Variants in PSD3 observed in about 807,000 individuals in gnomAD.
The protein encoded by PSD3 is pleckstrin and Sec7 domain containing 3.
PSD3 carries 49 observed loss-of-function variants against 105.5 expected under a neutral mutation model. That is an observed-to-expected ratio of 0.46 (90% confidence interval 0.37 to 0.59). PSD3 has a LOEUF of 0.59. Ranked by LOEUF, PSD3 falls within the 20% of genes least tolerant of loss-of-function variation. PSD3 has a pLI of 0.00. For missense variants in PSD3, 1,561 were observed against 1,263.8 expected (o/e 1.24, Z -3.57); for synonymous variants, 557 against 457.8 (o/e 1.22, Z -2.77).
At chr8:18,745,288 G>A (rs1399984263) in intron 9 of PSD3, among the ~76,000 whole-genome samples, 1 of 152,060 alleles carries the variant, frequency 6.6e-6, no homozygotes, top group Non-Finnish European at 1.5e-5. Flanking sequence ...TAATTACTGC[G>A]ATATTTGCCA....
In PSD3 at chr8:18,529,157, G is replaced by C. The variant is rs1799537506; in HGVS notation, c.*6586C>G. On this transcript the variant is annotated 3_prime_UTR_variant, in exon 16 of 16. Coordinates refer to ENST00000327040, the MANE Select transcript of PSD3 (RefSeq NM_015310.4). ...TCACCCAGGCTACGGAGAGATGCTG[G>C]AGAGCTGCTGCTTGTGAATTACAAG... The C allele has an allele frequency of 6.6e-6, 1 of 152,212 alleles. No individual in the cohort carries two copies. The highest frequency in any genetic ancestry group is 6.5e-5 in the Admixed American group (1 of 15,284). 9.4% of individuals were successfully genotyped at this position (152,212 alleles called of 1,614,324 possible). A position where few individuals can be genotyped will look rare whatever the true frequency, so the allele number is the denominator to read the frequency against.
At chr8:18,870,439 A>C (rs3758141) in intron 3 of PSD3, among the ~76,000 whole-genome samples, 14 of 152,060 alleles carry the variant, frequency 9.2e-5, no homozygotes, top group African/African-American at 3.1e-4. Flanking sequence ...GTCAAGTTTC[A>C]ATCATAAAGG....
chr8:18,708,795 C>A (rs559253569), intron 9 of PSD3, among the ~76,000 whole-genome samples: 1 of 151,778 alleles, frequency 6.6e-6, no homozygotes, highest in Non-Finnish European at 1.5e-5. Context: ...GATTATCTCA[C>A]TGGGACTAAT....
chr8:18,539,405 G>A (rs1406513276), intron 15 of PSD3, among the ~76,000 whole-genome samples: 1 of 152,136 alleles, frequency 6.6e-6, no homozygotes, highest in Non-Finnish European at 1.5e-5. Flanking sequence ...GCATCATTTG[G>A]AGACTTTATT....
At position 18,914,008 on chromosome 8, in the gene PSD3, G is replaced by A. The variant is rs1011470164; in HGVS notation, c.130+22026C>T. On this transcript the variant is annotated intron_variant, in intron 2 of 15. Transcript: ENST00000327040. ...AGACACAAGCTCCGGGCCCATCAGA[G>A]TAAACCCAGGCTCCAGACTTGAACC... Among the ~76,000 whole-genome samples the A allele has an allele frequency of 2.6e-5, 4 of 152,046 alleles. No individual in the cohort carries two copies. The East Asian group carries it at 7.7e-4, about 29-fold the overall frequency.
rs78253063 is a variant in PSD3 at position 18,567,545 on chromosome 8, G to A, written c.2784+4983C>T. Among the ~76,000 whole-genome samples, 946 of 152,182 alleles carry A rather than the reference G, an allele frequency of 6.2e-3. 7 individuals carry two copies. The highest frequency in any genetic ancestry group is 0.022 in the African/African-American group (913 of 41,508). On this transcript the variant is annotated intron_variant, in intron 14 of 15. Transcript: ENST00000327040. ...TAAAAATTCAATGCCATTGTGTCCT[G>A]CAAGAACTGTACAGTAATAGTAATG... is the stretch of plus-strand genomic sequence containing the variant.
In PSD3 at chr8:18,645,210, G is replaced by A. The variant is rs79447336; in HGVS notation, c.2216+10432C>T. Among the ~76,000 whole-genome samples the A allele has an allele frequency of 7.4e-4, 113 of 152,206 alleles. 1 individual carries two copies. In the South Asian group the frequency reaches 0.023, roughly 31 times the overall value. On this transcript the variant is annotated intron_variant, in intron 10 of 15. Coordinates refer to ENST00000327040, the MANE Select transcript of PSD3 (RefSeq NM_015310.4). Reference sequence around the variant, plus strand: ...TAAGTTTCTAGCACATGAACTCTGGGGACATGCTGACACCATAGCAAGAGT... The same window carrying A: ...TAAGTTTCTAGCACATGAACTCTGGAGACATGCTGACACCATAGCAAGAGT...
At chr8:18,853,907 CTCT>C (rs1815790198) in intron 4 of PSD3, among the ~76,000 whole-genome samples, 1 of 152,150 alleles carries the variant, frequency 6.6e-6, no homozygotes. Flanking sequence ...AATAAATATA[CTCT>C]TCATTTGTCA....
At chr8:18,804,655 C>T in intron 5 of PSD3, 49 bp downstream of exon 5, 2 of 1,611,396 alleles carry the variant, frequency 1.2e-6, no homozygotes. Context: ...ATTTAAAACA[C>T]ACACAAAACA....
At chr8:18,989,214 T>A (rs13282387) in intron 1 of PSD3, 46,711 of 152,000 alleles carry the variant, frequency 0.31, 7,382 homozygotes, top group Non-Finnish European at 0.35. Flanking sequence ...CACTGCACAA[T>A]GTTCTAGAAG....
At chr8:18,853,002 C>A (rs1376586634) in intron 4 of PSD3, among the ~76,000 whole-genome samples, 1 of 152,098 alleles carries the variant, frequency 6.6e-6, no homozygotes, top group Non-Finnish European at 1.5e-5. Context: ...AAGTAACTTG[C>A]TAGAGACCAA....
chr8:18,750,672 C>A (rs1356868771), intron 9 of PSD3, among the ~76,000 whole-genome samples: 6 of 152,008 alleles, frequency 3.9e-5, no homozygotes, highest in African/African-American at 1.4e-4. Context: ...GCCGAGTGGC[C>A]TGTTTTGACA....
chr8:18,544,973 C>T (rs1245903986), intron 15 of PSD3, among the ~76,000 whole-genome samples: 1 of 152,146 alleles, frequency 6.6e-6, no homozygotes, highest in Non-Finnish European at 1.5e-5. Flanking sequence ...TTGCCAAGAC[C>T]AGGAGTAGAA....
chr8:18,936,757 CA>C (rs200767893), intron 1 of PSD3, among the ~76,000 whole-genome samples: 396 of 125,538 alleles, frequency 3.2e-3, no homozygotes, highest in African/African-American at 5.5e-3. Flanking sequence ...GACTCCATCT[CA>C]AAAAAAAAAA....
chr8:18,567,339 T>G (rs969601), intron 14 of PSD3, among the ~76,000 whole-genome samples: 2 of 151,880 alleles, frequency 1.3e-5, no homozygotes, highest in Non-Finnish European at 2.9e-5. Flanking sequence ...TTACCTTTTA[T>G]GCGACATGCT....
At chr8:18,760,828 G>A (rs899941713) in intron 9 of PSD3, among the ~76,000 whole-genome samples, 7 of 152,194 alleles carry the variant, frequency 4.6e-5, no homozygotes, top group African/African-American at 1.4e-4. Flanking sequence ...AAATTGCCCC[G>A]AGACAAAGCA....
At chr8:18,577,358 C>T (rs1003571839) in intron 12 of PSD3, among the ~76,000 whole-genome samples, 1 of 151,950 alleles carries the variant, frequency 6.6e-6, no homozygotes, top group African/African-American at 2.4e-5. Flanking sequence ...CATAAACATA[C>T]AAAAAATTTA....
At chr8:19,038,710 T>C (rs1200628457) in intron 1 of PSD3, among the ~76,000 whole-genome samples, 1 of 152,106 alleles carries the variant, frequency 6.6e-6, no homozygotes, top group Non-Finnish European at 1.5e-5. Flanking sequence ...GAACCTCCCA[T>C]TTTGACCTCC....
chr8:18,869,767 G>C (rs1563366152), intron 3 of PSD3, among the ~76,000 whole-genome samples: 1 of 152,130 alleles, frequency 6.6e-6, no homozygotes, highest in Non-Finnish European at 1.5e-5. Flanking sequence ...CATTCTTGTA[G>C]GTCTCTGTTC....
Sources: gnomAD v4.1 joint callset for allele counts (sites outside exome capture counted in the v4.1 genomes callset) on GRCh38, gnomAD v4.1.1 for gene constraint, MANE v1.5 for transcripts, NCBI Gene and HGNC (gene_info 2026-07-23, HGNC 2026-07-21) for gene names.